ANO3: variants seen among roughly 807,000 people sequenced by gnomAD.
ANO3 encodes the protein anoctamin 3, also known as anoctamin-3.
Under a neutral mutation model 144.8 loss-of-function variants are expected in ANO3, and 99 were observed. The observed-to-expected ratio is 0.68, with a 90% CI of 0.58 to 0.81. The LOEUF is 0.81. ANO3 is among the 30% of genes least tolerant of loss of function. The probability of loss-of-function intolerance (pLI) is 0.00; values close to 1 mark genes in which losing one functional copy is unlikely to be tolerated. For synonymous variants in ANO3, 414 were observed against 392.6 expected, an observed-to-expected ratio of 1.05 and a Z score of -0.64; for missense variants, 905 against 1,202.2, an observed-to-expected ratio of 0.75 and a Z score of 3.66.
intron 1 of ANO3, among the ~76,000 whole-genome samples, chr11:26,252,220 AACTG>A (rs1460870424): frequency 6.6e-6 from 1 of 152,224 alleles, no homozygotes; most frequent in Non-Finnish European, 1.5e-5. Context: ...TTTGTTTTGT[AACTG>A]ACTTAGTCTG....
chr11:26,457,409 T>C, intron 3 of ANO3, among the ~76,000 whole-genome samples: 1 of 152,006 alleles, frequency 6.6e-6, no homozygotes, highest in East Asian at 1.9e-4. Flanking sequence ...ATTACATTGT[T>C]TCCTATCTAC....
chr11:26,554,788 A>G (rs531413193), intron 13 of ANO3, among the ~76,000 whole-genome samples: 1 of 152,054 alleles, frequency 6.6e-6, no homozygotes, highest in East Asian at 1.9e-4. Context: ...CACCCTGGGA[A>G]CTCTTCAAGG....
intron 8 of ANO3, among the ~76,000 whole-genome samples, chr11:26,532,996 T>C (rs1442547698): frequency 2.0e-5 from 3 of 152,234 alleles, no homozygotes; most frequent in African/African-American, 7.2e-5. Context: ...ATCAATTTAA[T>C]GGGGAAAGAG....
intron 5 of ANO3, among the ~76,000 whole-genome samples, chr11:26,515,839 A>G (rs1861843270): frequency 6.6e-6 from 1 of 151,986 alleles, no homozygotes; most frequent in African/African-American, 2.4e-5. Flanking sequence ...TTTTGCTCCT[A>G]TAATCACATG....
intron 14 of ANO3, chr11:26,560,670 G>C (rs2134247420): frequency 6.5e-6 from 1 of 154,730 alleles, no homozygotes; most frequent in African/African-American, 2.4e-5. Flanking sequence ...CTTGAATTAT[G>C]GTACTAGGGC....
At chr11:26,217,154 T>C (rs1340881275) in intron 1 of ANO3, among the ~76,000 whole-genome samples, 2 of 152,038 alleles carry the variant, frequency 1.3e-5, no homozygotes, top group African/African-American at 4.8e-5. Context: ...ATCATATGGA[T>C]TTTCTCCTAT....
chr11:26,212,947 T>C (rs540123059), intron 1 of ANO3, among the ~76,000 whole-genome samples: 1 of 152,230 alleles, frequency 6.6e-6, no homozygotes, highest in Admixed American at 6.5e-5. Flanking sequence ...TCAAGTCAGC[T>C]TCATCCCTGG....
At chr11:26,466,841 T>G (rs967544309) in intron 4 of ANO3, among the ~76,000 whole-genome samples, 2 of 151,846 alleles carry the variant, frequency 1.3e-5, no homozygotes, top group African/African-American at 2.4e-5. Flanking sequence ...CTAATACCAA[T>G]GATTGTTAAT....
intron 1 of ANO3, among the ~76,000 whole-genome samples, chr11:26,384,462 A>G (rs1038392798): frequency 3.3e-5 from 5 of 152,170 alleles, no homozygotes; most frequent in Non-Finnish European, 5.9e-5. Context: ...GAACCTCTGA[A>G]TGGATTATAT....
At chr11:26,582,650 A>G (rs2132862632) in intron 14 of ANO3, among the ~76,000 whole-genome samples, 1 of 152,346 alleles carries the variant, frequency 6.6e-6, no homozygotes, top group Middle Eastern at 3.4e-3. Context: ...TACTTTGGAT[A>G]GAAATACTCA....
intron 3 of ANO3, among the ~76,000 whole-genome samples, chr11:26,446,381 C>T (rs1197103640): frequency 6.6e-6 from 1 of 152,168 alleles, no homozygotes; most frequent in Non-Finnish European, 1.5e-5. Flanking sequence ...CTGACTAATG[C>T]ATCTTATTAA....
At chr11:26,306,390 G>A (rs372522982), upstream of ANO3, among the ~76,000 whole-genome samples, 1 of 152,088 alleles carries the variant, frequency 6.6e-6, no homozygotes. Flanking sequence ...GCTCCCGAAT[G>A]CATGGATAGA....
At chr11:26,415,252 T>G (rs1857550415) in intron 1 of ANO3, among the ~76,000 whole-genome samples, 1 of 152,028 alleles carries the variant, frequency 6.6e-6, no homozygotes, top group South Asian at 2.1e-4. Context: ...CAGAAGACAG[T>G]GTGTTCTTCT....
chr11:26,652,338 T>A (rs1250054147), intron 24 of ANO3, among the ~76,000 whole-genome samples: 1 of 152,208 alleles, frequency 6.6e-6, no homozygotes, highest in Non-Finnish European at 1.5e-5. Context: ...CACTCTGACC[T>A]GATCTTGCTT....
At chr11:26,530,006 A>G (rs1849323318) in intron 7 of ANO3, among the ~76,000 whole-genome samples, 1 of 152,166 alleles carries the variant, frequency 6.6e-6, no homozygotes, top group Non-Finnish European at 1.5e-5. Context: ...CTTAGCAGCT[A>G]TGTAGAAATG....
In ANO3 at chr11:26,369,592, G is replaced by T. The variant is rs1257676626; in HGVS notation, c.46+37271G>T. Among the ~76,000 whole-genome samples the T allele has an allele frequency of 9.9e-5, 15 of 151,940 alleles. No homozygotes were observed. The East Asian group carries it at 1.9e-3, about 20-fold the overall frequency. On this transcript the variant is annotated intron_variant, in intron 1 of 26. Coordinates refer to ENST00000256737, the MANE Select transcript of ANO3 (RefSeq NM_031418.4). ...CTTTTCTTCTTTACCTTTATTCAAT[G>T]CCCTTGATACTTCTCCAGTTTAAGC...
chr11:26,313,757 T>C (rs1328998072), intron 1 of ANO3, among the ~76,000 whole-genome samples: 17 of 151,854 alleles, frequency 1.1e-4, no homozygotes, highest in Admixed American at 1.1e-3. Flanking sequence ...AGATTATGTG[T>C]AAGTACTGGA....
chr11:26,412,893 T>C (rs1857471350), intron 1 of ANO3, among the ~76,000 whole-genome samples: 1 of 151,506 alleles, frequency 6.6e-6, no homozygotes, highest in Non-Finnish European at 1.5e-5. Flanking sequence ...TATTCCTTTT[T>C]ACTGTGAATT....
intron 14 of ANO3, among the ~76,000 whole-genome samples, chr11:26,564,186 G>C (rs984599649): frequency 2.6e-5 from 4 of 151,618 alleles, no homozygotes; most frequent in African/African-American, 9.7e-5. Context: ...ATTAGGTTTA[G>C]ATAGACAAAA....
Sources: gnomAD v4.1 joint callset for allele counts (sites outside exome capture counted in the v4.1 genomes callset) on GRCh38, gnomAD v4.1.1 for gene constraint, MANE v1.5 for transcripts, NCBI Gene and HGNC (gene_info 2026-07-23, HGNC 2026-07-21) for gene names.